EPB41: variants seen among roughly 807,000 people sequenced by gnomAD.
The protein encoded by EPB41 is protein 4.1.
In EPB41, 65 loss-of-function variants were observed where a neutral mutation model predicts 108.0. That is an observed-to-expected ratio of 0.60 (90% CI 0.49 to 0.74). The LOEUF is 0.74. EPB41 is among the 30% of genes least tolerant of loss of function. EPB41 has a pLI of 0.00. For synonymous variants in EPB41, 336 were observed against 358.9 expected (o/e 0.94, Z 0.72); for missense variants, 875 against 1,037.0 (o/e 0.84, Z 2.15).
intron 1 of EPB41, among the ~76,000 whole-genome samples, chr1:28,890,022 A>G (rs374289743): frequency 1.5e-5 from 1 of 67,714 alleles, no homozygotes; most frequent in South Asian, 6.9e-4. Flanking sequence ...TTTTATTTTT[A>G]TTTTTATTTT....
chr1:28,988,166 G>C (rs1473437011), intron 2 of EPB41, among the ~76,000 whole-genome samples: 2 of 152,186 alleles, frequency 1.3e-5, no homozygotes, highest in Non-Finnish European at 2.9e-5. Flanking sequence ...AGGAGGCTGA[G>C]ACAGGAGAAG....
chr1:28,892,797 C>CTTTTTTTTTTTTT (rs995428093), intron 1 of EPB41, among the ~76,000 whole-genome samples: 1 of 87,234 alleles, frequency 1.1e-5, no homozygotes, highest in Non-Finnish European at 2.2e-5. Context: ...TTCCCAGGTT[C>CTTTTTTTTTTTTT]TTTTTTTTTT....
chr1:29,027,691 C>T (rs1341674292), intron 7 of EPB41, among the ~76,000 whole-genome samples: 2 of 152,120 alleles, frequency 1.3e-5, no homozygotes, highest in Non-Finnish European at 2.9e-5. Context: ...CTGTCTCAGC[C>T]TCCAGAGTAG....
chr1:29,045,102 A>G (rs1383410788), intron 11 of EPB41, among the ~76,000 whole-genome samples: 1 of 152,210 alleles, frequency 6.6e-6, no homozygotes, highest in Non-Finnish European at 1.5e-5. Context: ...GTTATCTTAT[A>G]TATTGTAGAA....
chr1:28,941,481 G>A (rs1408209478), intron 1 of EPB41, among the ~76,000 whole-genome samples: 1 of 152,154 alleles, frequency 6.6e-6, no homozygotes, highest in East Asian at 1.9e-4. Flanking sequence ...AAGAAGAAAC[G>A]TTTACAGTGA....
At chr1:29,047,389 A>T (rs1351660230) in intron 11 of EPB41, among the ~76,000 whole-genome samples, 2 of 147,910 alleles carry the variant, frequency 1.4e-5, no homozygotes, top group Non-Finnish European at 3.0e-5. Context: ...AGCTGGTACC[A>T]CAAGTTCACG....
intron 7 of EPB41, among the ~76,000 whole-genome samples, chr1:29,021,087 T>C (rs997844564): frequency 6.6e-6 from 1 of 152,204 alleles, no homozygotes; most frequent in Admixed American, 6.5e-5. Flanking sequence ...CATCTATTAT[T>C]ATGTGCAAGA....
At chr1:29,041,088 A>T (rs950834959) in intron 11 of EPB41, 1 of 150,978 alleles carries the variant, frequency 6.6e-6, no homozygotes, top group African/African-American at 2.4e-5. Context: ...GTGAGCCAAG[A>T]TTGCGCCATT....
chr1:29,042,802 C>T (rs565843240), intron 11 of EPB41, among the ~76,000 whole-genome samples: 1 of 151,780 alleles, frequency 6.6e-6, no homozygotes, highest in South Asian at 2.1e-4. Context: ...TTTCTACTCT[C>T]CTGAGGGGCT....
At chr1:28,997,178 A>G in intron 3 of EPB41, 37 bp from the exon 4 acceptor site, 1 of 1,451,934 alleles carries the variant, frequency 6.9e-7, no homozygotes, top group South Asian at 1.1e-5. Context: ...AAAGAAGAAG[A>G]AACCTCAACT....
intron 16 of EPB41, among the ~76,000 whole-genome samples, chr1:29,083,043 A>C (rs1657366185): frequency 6.6e-6 from 1 of 152,200 alleles, no homozygotes; most frequent in South Asian, 2.1e-4. Flanking sequence ...CCCTTTATCC[A>C]GATTTTATAC....
At chr1:28,888,818 G>A (rs547857942) in intron 1 of EPB41, among the ~76,000 whole-genome samples, 1 of 152,190 alleles carries the variant, frequency 6.6e-6, no homozygotes, top group Admixed American at 6.5e-5. Context: ...TAGTAGAGAC[G>A]GGGATTCACC....
intron 1 of EPB41, among the ~76,000 whole-genome samples, chr1:28,973,927 T>C (rs1352985722): frequency 6.6e-6 from 1 of 152,214 alleles, no homozygotes; most frequent in East Asian, 1.9e-4. Context: ...AACTATGTCT[T>C]TGTAATTTCT....
intron 1 of EPB41, among the ~76,000 whole-genome samples, chr1:28,923,760 GATCATAGA>G (rs1450292009): frequency 6.6e-6 from 1 of 152,162 alleles, no homozygotes; most frequent in African/African-American, 2.4e-5. Context: ...ATTGCATAAT[GATCATAGA>G]ATCATATTTA....
intron 1 of EPB41, among the ~76,000 whole-genome samples, chr1:28,891,891 C>T (rs2147820591): frequency 6.6e-6 from 1 of 152,132 alleles, no homozygotes; most frequent in East Asian, 1.9e-4. Flanking sequence ...GAGTTCGACA[C>T]AGCCTGGCTA....
intron 1 of EPB41, among the ~76,000 whole-genome samples, chr1:28,948,103 C>A (rs2094551956): frequency 6.6e-6 from 1 of 151,954 alleles, no homozygotes; most frequent in Non-Finnish European, 1.5e-5. Flanking sequence ...TATCTCAAAT[C>A]ATTTGGGGAT....
intron 1 of EPB41, among the ~76,000 whole-genome samples, chr1:28,984,542 A>C (rs542717717): frequency 6.6e-6 from 1 of 152,324 alleles, no homozygotes; most frequent in African/African-American, 2.4e-5. Context: ...TGTTGAATGA[A>C]TCAATTAGTA....
chr1:28,914,257 C>G (rs2092410446), upstream of EPB41, among the ~76,000 whole-genome samples: 1 of 152,260 alleles, frequency 6.6e-6, no homozygotes, highest in Non-Finnish European at 1.5e-5. Context: ...TCATGCCCCA[C>G]GTGGGTGCTG....
Position 28,993,315 on chromosome 1 carries a change from G to A in EPB41, c.469-15G>A, listed in dbSNP as rs759843544. On this transcript the variant is annotated splice_polypyrimidine_tract_variant and intron_variant, in intron 2 of 20. Coordinates refer to ENST00000343067, the MANE Select transcript of EPB41 (RefSeq NM_001376013.1). ...ATGTGTTTATTACTGACTTGGCGAT[G>A]TCATGGATATGTAGCCTGCTCAGGA... 3.1e-6 allele frequency: 5 copies of A among 1,607,918 alleles called. No homozygotes were observed. Among genetic ancestry groups the A allele is most frequent in the Admixed American group, 3.3e-5 (2 of 60,010 alleles).
Sources: gnomAD v4.1 joint callset for allele counts (sites outside exome capture counted in the v4.1 genomes callset) on GRCh38, gnomAD v4.1.1 for gene constraint, MANE v1.5 for transcripts, NCBI Gene and HGNC (gene_info 2026-07-23, HGNC 2026-07-21) for gene names.